Variants in AMPH observed in about 807,000 individuals in gnomAD.
AMPH encodes amphiphysin, also known as amphiphysin (Stiff-Mann syndrome with breast cancer 128kD autoantigen).
Under a neutral mutation model 99.1 loss-of-function variants are expected in AMPH, and 49 were observed. The observed-to-expected ratio is 0.49, with a 90% CI of 0.39 to 0.63. The LOEUF is 0.63. AMPH is among the 20% of genes least tolerant of loss of function. The pLI, the probability that AMPH is intolerant of heterozygous loss-of-function variation, is 0.00. For synonymous variants in AMPH, 314 were observed against 317.3 expected (o/e 0.99, Z 0.11); for missense variants, 759 against 863.4 (o/e 0.88, Z 1.52).
intron 15 of AMPH, among the ~76,000 whole-genome samples, chr7:38,425,547 G>A (rs1785753430): frequency 6.6e-6 from 1 of 152,188 alleles, no homozygotes. Context: ...TGACTTGGCT[G>A]TTAATAGCAT....
chr7:38,506,440 T>C (rs191545238), intron 2 of AMPH, among the ~76,000 whole-genome samples: 97 of 152,236 alleles, frequency 6.4e-4, no homozygotes, highest in African/African-American at 2.2e-3. Context: ...CGGAAAGAGA[T>C]AGAATGGAAC....
intron 1 of AMPH, among the ~76,000 whole-genome samples, chr7:38,568,375 G>A (rs1246619618): frequency 1.3e-5 from 2 of 152,184 alleles, no homozygotes; most frequent in Non-Finnish European, 2.9e-5. Context: ...TGACGCAGGA[G>A]GATGGCATGA....
chr7:38,630,297 A>C (rs1358196765), intron 1 of AMPH, among the ~76,000 whole-genome samples: 1 of 152,218 alleles, frequency 6.6e-6, no homozygotes, highest in Non-Finnish European at 1.5e-5. Context: ...TCCTTTGCTC[A>C]GGACACAAAT....
intron 1 of AMPH, among the ~76,000 whole-genome samples, chr7:38,538,708 T>C (rs1413347152): frequency 6.6e-6 from 1 of 152,148 alleles, no homozygotes; most frequent in Non-Finnish European, 1.5e-5. Flanking sequence ...AACAGATCAG[T>C]CTTTAAGAAA....
At chr7:38,599,773 T>C (rs925253596) in intron 1 of AMPH, among the ~76,000 whole-genome samples, 2 of 93,070 alleles carry the variant, frequency 2.1e-5, no homozygotes, top group Admixed American at 9.3e-5. Flanking sequence ...TAATATTTTA[T>C]CATTAATATT....
intron 4 of AMPH, among the ~76,000 whole-genome samples, chr7:38,493,292 T>C (rs1238864540): frequency 6.6e-6 from 1 of 152,024 alleles, no homozygotes; most frequent in Non-Finnish European, 1.5e-5. Context: ...TCACCTGGAG[T>C]AGAGGACATG....
intron 17 of AMPH, among the ~76,000 whole-genome samples, chr7:38,417,529 A>G (rs907736212): frequency 6.6e-6 from 1 of 152,250 alleles, no homozygotes; most frequent in Admixed American, 6.5e-5. Flanking sequence ...CAGCTGTCAC[A>G]GGTAGAACAA....
At chr7:38,506,924 G>C (rs1378629510) in intron 2 of AMPH, among the ~76,000 whole-genome samples, 5 of 152,206 alleles carry the variant, frequency 3.3e-5, no homozygotes, top group Non-Finnish European at 5.9e-5. Context: ...AGTTAAGCAA[G>C]GCTCACTTCT....
intron 11 of AMPH, among the ~76,000 whole-genome samples, chr7:38,450,505 C>T (rs1786968211): frequency 6.6e-6 from 1 of 152,164 alleles, no homozygotes; most frequent in Admixed American, 6.5e-5. Context: ...GAGCCTGTAC[C>T]AGGACTGGGC....
intron 1 of AMPH, among the ~76,000 whole-genome samples, chr7:38,539,939 A>G (rs920070035): frequency 6.6e-6 from 1 of 152,176 alleles, no homozygotes; most frequent in Non-Finnish European, 1.5e-5. Context: ...ATGACTAAAA[A>G]CATCTTTTGC....
Position 38,593,813 on chromosome 7 carries a change from C to T in AMPH, c.69+37470G>A, listed in dbSNP as rs1792947539. On this transcript the variant is annotated intron_variant, in intron 1 of 20. Transcript: ENST00000356264. The stretch of plus-strand genomic sequence containing the variant: ...AATAACAAGACAAGTAAGTAAAACA[C>T]ATAGTGCGTGAGATGATAGTAAGGC... Among the ~76,000 whole-genome samples the T allele has an allele frequency of 3.3e-5, 5 of 152,252 alleles. No individual in the cohort carries two copies. In the South Asian group the frequency reaches 1.0e-3, roughly 32 times the overall value.
intron 5 of AMPH, among the ~76,000 whole-genome samples, chr7:38,485,643 A>G (rs1788462127): frequency 1.3e-5 from 2 of 151,980 alleles, no homozygotes; most frequent in Non-Finnish European, 2.9e-5. Context: ...CATATACAGA[A>G]TATTCAATCC....
At chr7:38,462,456 T>C (rs1419026044) in intron 10 of AMPH, among the ~76,000 whole-genome samples, 1 of 152,208 alleles carries the variant, frequency 6.6e-6, no homozygotes, top group Non-Finnish European at 1.5e-5. Flanking sequence ...TCTCTACAGT[T>C]ACCTTTGCCC....
rs760121552 is a variant in AMPH, at chr7:38,384,818, C to T, written c.2088G>A (p.Ter696=). The T allele has an allele frequency of 2.5e-6, 4 of 1,613,410 alleles. No homozygotes were observed. Among genetic ancestry groups the T allele is most frequent in the Non-Finnish European group, 3.4e-6 (4 of 1,179,544 alleles). ...FPENFTRRLD[*] ...GCTCCTTCTTGCAGTACTTGTTGCC[C>T]TAATCTAAGCGTCGGGTGAAGTTCT... The change falls in exon 21 of 21, where the codon TAG becomes TAA. Residue 696 remains the stop codon, a stop_retained_variant. Coordinates refer to ENST00000356264, the MANE Select transcript of AMPH (RefSeq NM_001635.4).
intron 12 of AMPH, among the ~76,000 whole-genome samples, chr7:38,433,218 C>G (rs1386331931): frequency 6.6e-6 from 1 of 152,204 alleles, no homozygotes; most frequent in African/African-American, 2.4e-5. Context: ...CTGATACCCA[C>G]CCACCTGGTT....
At chr7:38,604,973 C>G (rs1793383078) in intron 1 of AMPH, among the ~76,000 whole-genome samples, 1 of 152,078 alleles carries the variant, frequency 6.6e-6, no homozygotes, top group African/African-American at 2.4e-5. Flanking sequence ...AAAGGATTAA[C>G]AGGTGATTCA....
At chr7:38,520,964 A>G (rs1287923532) in intron 2 of AMPH, among the ~76,000 whole-genome samples, 1 of 152,210 alleles carries the variant, frequency 6.6e-6, no homozygotes, top group Non-Finnish European at 1.5e-5. Context: ...GAGAAAAGCC[A>G]TTTACTTGGC....
intron 1 of AMPH, among the ~76,000 whole-genome samples, chr7:38,579,965 G>A (rs1242085764): frequency 1.3e-5 from 2 of 152,080 alleles, no homozygotes; most frequent in Non-Finnish European, 2.9e-5. Flanking sequence ...AAACACTCAG[G>A]TAAAAAGCAC....
rs565774410 is a variant in AMPH at position 38,503,438 on chromosome 7, G to C, written c.205+212C>G. The stretch of plus-strand genomic sequence containing the variant: ...CATTTATTTCTAGTTTCCAGCATAA[G>C]GGCACACATATTTTTTCCTTATATA... On this transcript the variant is annotated intron_variant, in intron 3 of 20. Coordinates refer to ENST00000356264, the MANE Select transcript of AMPH (RefSeq NM_001635.4). Among the ~76,000 whole-genome samples the C allele has an allele frequency of 4.1e-5, 6 of 146,732 alleles. No homozygotes were observed. In the East Asian group the frequency reaches 1.2e-3, roughly 30 times the overall value.
Sources: gnomAD v4.1 joint callset for allele counts (sites outside exome capture counted in the v4.1 genomes callset) on GRCh38, gnomAD v4.1.1 for gene constraint, MANE v1.5 for transcripts, NCBI Gene and HGNC (gene_info 2026-07-23, HGNC 2026-07-21) for gene names.